Variants in NAALADL2 observed in about 807,000 individuals in gnomAD.
NAALADL2 encodes inactive N-acetylated-alpha-linked acidic dipeptidase-like protein 2.
Under a neutral mutation model 87.2 loss-of-function variants are expected in NAALADL2, and 76 were observed. That is an observed-to-expected ratio of 0.87 (90% CI 0.72 to 1.05). The LOEUF is 1.05. NAALADL2 is among the 50% of genes least tolerant of loss of function. NAALADL2 has a pLI of 0.00. For synonymous variants in NAALADL2, 354 were observed against 331.0 expected (o/e 1.07, Z -0.75); for missense variants, 1,089 against 945.8 (o/e 1.15, Z -1.99).
In NAALADL2 at chr3:174,599,795, G is replaced by C. The variant is rs372243244; in HGVS notation, c.-115+49158G>C. On this transcript the variant is annotated intron_variant, in intron 2 of 3. Transcript: ENST00000434257. ...ATAATTCTTCTCTAGGTGTTACAAA[G>C]ACTGCTTTCGTCAACAAATCCCTGG... Among the ~76,000 whole-genome samples, 8 of 152,060 alleles carry C rather than the reference G, an allele frequency of 5.3e-5. No homozygotes were observed. The South Asian group carries it at 1.7e-3, about 32-fold the overall frequency.
At chr3:175,307,940 C>T (rs1377322509) in intron 4 of NAALADL2, among the ~76,000 whole-genome samples, 2 of 152,080 alleles carry the variant, frequency 1.3e-5, no homozygotes, top group Middle Eastern at 3.2e-3. Flanking sequence ...AAAACTTATT[C>T]AATTAAAGCA....
At chr3:174,527,007 A>G (rs1233428270) in intron 1 of NAALADL2, among the ~76,000 whole-genome samples, 1 of 152,146 alleles carries the variant, frequency 6.6e-6, no homozygotes, top group African/African-American at 2.4e-5. Flanking sequence ...TATCACTAAA[A>G]TAACTTAGGG....
At chr3:174,448,839 A>T (rs1715259603) in intron 1 of NAALADL2, among the ~76,000 whole-genome samples, 3 of 152,250 alleles carry the variant, frequency 2.0e-5, no homozygotes, top group Admixed American at 2.0e-4. Context: ...TATTGCCCAG[A>T]TGTAGTGATG....
chr3:175,752,156 C>T (rs893698759), intron 12 of NAALADL2, among the ~76,000 whole-genome samples: 11 of 152,050 alleles, frequency 7.2e-5, no homozygotes, highest in Admixed American at 3.3e-4. Flanking sequence ...TATTATGCTA[C>T]GATCTGGGAA....
chr3:174,548,271 G>C lies in NAALADL2; in HGVS notation c.-183-2298G>C, dbSNP rs573998095. Among the ~76,000 whole-genome samples the C allele has an allele frequency of 4.6e-5, 7 of 152,082 alleles. No individual in the cohort carries two copies. In the East Asian group the frequency reaches 1.4e-3, roughly 29 times the overall value. On this transcript the variant is annotated intron_variant, in intron 1 of 3. Transcript: ENST00000434257. Reference sequence around the variant, plus strand: ...CTCTTAAACATTATGTTTTTAAAGGGTACATAACACACCATATGGAATTTC... The same window carrying C: ...CTCTTAAACATTATGTTTTTAAAGGCTACATAACACACCATATGGAATTTC...
rs116172110 is a variant in NAALADL2 at position 175,115,753 on chromosome 3, A to G, written c.545+18462A>G. Among the ~76,000 whole-genome samples, 836 of 151,742 alleles carry G rather than the reference A, an allele frequency of 5.5e-3. 6 individuals are homozygous for G. Among genetic ancestry groups the G allele is most frequent in the African/African-American group, 0.019 (792 of 41,478 alleles). On this transcript the variant is annotated intron_variant, in intron 2 of 13. Transcript: ENST00000454872. The stretch of plus-strand genomic sequence containing the variant: ...CTCTCAAGTCAGATTTAAAAATTTC[A>G]TCAGATGAGATCGAGCGCATTCAGG...
chr3:175,202,063 A>G (rs192611243), intron 2 of NAALADL2, among the ~76,000 whole-genome samples: 4 of 151,828 alleles, frequency 2.6e-5, no homozygotes, highest in Admixed American at 2.6e-4. Context: ...TTTTTTTTAC[A>G]TACGAAAACT....
intron 5 of NAALADL2, among the ~76,000 whole-genome samples, chr3:175,334,483 C>A (rs73047264): frequency 1.6e-3 from 248 of 152,236 alleles, no homozygotes; most frequent in African/African-American, 5.8e-3. Context: ...CTTCACCTAC[C>A]CCCTATAAGA....
intron 3 of NAALADL2, among the ~76,000 whole-genome samples, chr3:174,810,903 C>G (rs950566676): frequency 2.0e-5 from 3 of 152,202 alleles, no homozygotes; most frequent in African/African-American, 7.2e-5. Flanking sequence ...ACCTAGGGCC[C>G]TGCCACCCTG....
chr3:175,222,632 C>A (rs1404544748), intron 2 of NAALADL2, among the ~76,000 whole-genome samples: 1 of 152,076 alleles, frequency 6.6e-6, no homozygotes, highest in African/African-American at 2.4e-5. Context: ...CAGTGGTTCT[C>A]AACATTTTGG....
chr3:175,429,495 T>C (rs1717393415), intron 5 of NAALADL2, among the ~76,000 whole-genome samples: 1 of 152,038 alleles, frequency 6.6e-6, no homozygotes, highest in South Asian at 2.1e-4. Flanking sequence ...GATAGGAATA[T>C]GTGTCCTATC....
chr3:175,045,248 G>A (rs1473256051), intron 1 of NAALADL2, among the ~76,000 whole-genome samples: 3 of 151,958 alleles, frequency 2.0e-5, no homozygotes, highest in South Asian at 2.1e-4. Context: ...CACACTCTCC[G>A]TGGACACTCC....
chr3:175,628,605 C>T (rs1054209344), intron 11 of NAALADL2, among the ~76,000 whole-genome samples: 6 of 129,224 alleles, frequency 4.6e-5, no homozygotes, highest in African/African-American at 9.8e-5. Context: ...TTAAAATAAT[C>T]TCTCTCTCTA....
chr3:174,926,563 A>T (rs1736069126), intron 1 of NAALADL2, among the ~76,000 whole-genome samples: 1 of 152,184 alleles, frequency 6.6e-6, no homozygotes, highest in Non-Finnish European at 1.5e-5. Flanking sequence ...ACATTCTTAA[A>T]GAAAAGAATT....
intron 2 of NAALADL2, among the ~76,000 whole-genome samples, chr3:175,122,738 T>G (rs1479465454): frequency 6.6e-6 from 1 of 151,826 alleles, no homozygotes; most frequent in East Asian, 1.9e-4. Context: ...CATTTTCCAG[T>G]TAGAGGAACA....
At chr3:174,966,151 C>T (rs1742831348) in intron 1 of NAALADL2, among the ~76,000 whole-genome samples, 1 of 152,048 alleles carries the variant, frequency 6.6e-6, no homozygotes. Flanking sequence ...TCAGGTTTCC[C>T]CTACTACTGC....
At chr3:174,533,861 A>G (rs187795500) in intron 1 of NAALADL2, among the ~76,000 whole-genome samples, 3 of 152,302 alleles carry the variant, frequency 2.0e-5, no homozygotes, top group Admixed American at 2.0e-4. Context: ...TAGTCTTGAC[A>G]TTTGAGAATA....
intron 2 of NAALADL2, chr3:175,218,266 A>G (rs963868737): frequency 1.1e-5 from 3 of 265,834 alleles, no homozygotes; most frequent in Non-Finnish European, 2.3e-5. Flanking sequence ...TGGGTTATAT[A>G]CAAAAGAAAT....
chr3:175,063,256 T>G (rs913597335), intron 1 of NAALADL2, among the ~76,000 whole-genome samples: 1 of 152,170 alleles, frequency 6.6e-6, no homozygotes, highest in African/African-American at 2.4e-5. Context: ...AAAACATTTT[T>G]ATCGCTTGTT....
Sources: gnomAD v4.1 joint callset for allele counts (sites outside exome capture counted in the v4.1 genomes callset) on GRCh38, gnomAD v4.1.1 for gene constraint, MANE v1.5 for transcripts, NCBI Gene and HGNC (gene_info 2026-07-23, HGNC 2026-07-21) for gene names.